MGAM: variants seen among roughly 807,000 people sequenced by gnomAD.
The protein encoded by MGAM is alpha-1,4-glucosidase.
A neutral mutation model predicts 358.8 loss-of-function variants in MGAM; 253 were observed. The observed-to-expected ratio is 0.71, with a 90% CI of 0.64 to 0.78. The LOEUF (loss-of-function observed/expected upper bound fraction) is 0.78. MGAM is among the 30% of genes least tolerant of loss of function. The pLI is 0.00. For synonymous variants in MGAM, 1,105 were observed against 1,227.1 expected (o/e 0.90, Z 2.08); for missense variants, 3,080 against 3,432.6 (o/e 0.90, Z 2.57).
At chr7:142,010,413 T>C (rs1554454030) in intron 3 of MGAM, among the ~76,000 whole-genome samples, 1 of 152,144 alleles carries the variant, frequency 6.6e-6, no homozygotes, top group Non-Finnish European at 1.5e-5. Context: ...ATTAAGCTTC[T>C]AGTTCTTGAG....
At chr7:141,989,407 A>G (rs1803846293) in intron 2 of MGAM, among the ~76,000 whole-genome samples, 1 of 152,192 alleles carries the variant, frequency 6.6e-6, no homozygotes, top group African/African-American at 2.4e-5. Flanking sequence ...AACATCATGA[A>G]GTACTCATGA....
chr7:141,986,599 G>A (rs1005976882), intron 2 of MGAM, among the ~76,000 whole-genome samples: 2 of 152,170 alleles, frequency 1.3e-5, no homozygotes, highest in African/African-American at 2.4e-5. Context: ...TTCCCTTGGG[G>A]TAGGGGACTG....
chr7:142,005,843 C>G (rs1563104303), intron 2 of MGAM, among the ~76,000 whole-genome samples, 186 bp downstream of exon 2: 1 of 151,892 alleles, frequency 6.6e-6, no homozygotes, highest in Non-Finnish European at 1.5e-5. Flanking sequence ...AGTTCTGATA[C>G]TTTGATTTAT....
Position 142,027,698 on chromosome 7 carries a change from A to G in MGAM, c.1184A>G (p.Glu395Gly). Residue 395 changes from glutamate to glycine, a missense_variant, in exon 10 of 71, where the codon GAA (glutamate) becomes GGA (glycine). This residue lies in a region of MGAM where 1,816 missense variants were observed against 1,840.5 expected (regional missense o/e 0.99). Transcript: ENST00000475668. ...TATGGAACCTTAGACAACATGAGGG[A>G]AGTCGTGGAGAGAAATCGCGCAGCA... ...YEYGTLDNMR[E>G]VVERNRAAQL... The G allele has an allele frequency of 6.2e-7, 1 of 1,613,362 alleles. No homozygotes were observed. Among genetic ancestry groups the G allele is most frequent in the Non-Finnish European group, 8.5e-7 (1 of 1,179,522 alleles).
At chr7:142,055,283 G>T (rs1193770766) in intron 27 of MGAM, among the ~76,000 whole-genome samples, 11 of 152,178 alleles carry the variant, frequency 7.2e-5, no homozygotes, top group Non-Finnish European at 1.6e-4. Flanking sequence ...GGTGTGGAGT[G>T]GTCCCAGCTG....
chr7:142,069,641 A>T lies in MGAM; in HGVS notation c.5061+938A>T, dbSNP rs1300143401. On this transcript the variant is annotated intron_variant, in intron 43 of 70. Transcript: ENST00000475668. ...ATTTTGTTCCTTCTCTTCTCAGTCC[A>T]TTGGAGCCCAAGTCCTCTCCACAGC... Among the ~76,000 whole-genome samples, 8 of 145,268 alleles carry T rather than the reference A, an allele frequency of 5.5e-5. 1 individual carries two copies. Among genetic ancestry groups the T allele is most frequent in the Admixed American group, 2.1e-4 (3 of 14,400 alleles).
intron 10 of MGAM, 140 bp downstream of exon 10, chr7:142,027,875 A>T: frequency 1.1e-6 from 1 of 901,534 alleles, no homozygotes; most frequent in Non-Finnish European, 1.4e-6. Context: ...TCAGAATACT[A>T]GACATTTTTT....
chr7:142,029,767 G>A (rs567901623), intron 10 of MGAM, among the ~76,000 whole-genome samples: 18 of 152,300 alleles, frequency 1.2e-4, no homozygotes, highest in Admixed American at 1.1e-3. Flanking sequence ...GAGATGCAAA[G>A]GGAAAAGCTC....
chr7:142,031,367 T>C (rs1288714358), intron 12 of MGAM, among the ~76,000 whole-genome samples: 1 of 152,196 alleles, frequency 6.6e-6, no homozygotes, highest in Non-Finnish European at 1.5e-5. Flanking sequence ...TACACAATGC[T>C]CTTCCCCCAT....
In MGAM at chr7:142,077,931, G is replaced by A. The variant is rs879072318; in HGVS notation, c.5494-387G>A. ...TGGTTTGGGGACTGGAGAGCAAGAG[G>A]ATCAGCTCACTTTGAGATGACACCA... On this transcript the variant is annotated intron_variant, in intron 47 of 70. Transcript: ENST00000475668. Among the ~76,000 whole-genome samples, 3 of 145,738 alleles carry A rather than the reference G, an allele frequency of 2.1e-5. No homozygotes were observed. The Admixed American group carries it at 2.1e-4, about 10-fold the overall frequency.
chr7:142,079,887 G>A (rs138347243), intron 49 of MGAM, among the ~76,000 whole-genome samples: 3,348 of 146,454 alleles, frequency 0.023, 230 homozygotes, highest in African/African-American at 0.077. Context: ...CCTCATCATA[G>A]CACTAGCATG....
chr7:142,043,961 TATACAC>T (rs1809513323), intron 21 of MGAM, among the ~76,000 whole-genome samples: 1 of 114,084 alleles, frequency 8.8e-6, no homozygotes, highest in Admixed American at 9.8e-5. Flanking sequence ...ATATACATTA[TATACAC>T]ATACGACGTA....
chr7:142,081,912 T>G, intron 50 of MGAM, 130 bp from the exon 51 acceptor site: 1 of 956,548 alleles, frequency 1.0e-6, no homozygotes, highest in South Asian at 1.4e-5. Flanking sequence ...CAAATTGAGT[T>G]TCAGTTTTGT....
chr7:142,094,950 T>G (rs906851883), intron 63 of MGAM, 87 bp downstream of exon 63: 3 of 1,373,934 alleles, frequency 2.2e-6, no homozygotes, highest in Non-Finnish European at 2.9e-6. Flanking sequence ...GTATTTCCTG[T>G]GATATCTTTA....
rs1432233478 is a variant in MGAM at position 142,042,456 on chromosome 7, CATATAAT to C, written c.2498+1630_2498+1636del. Reference sequence around the variant, plus strand: ...ATATAACATATAATATATAATATAACATATAATATATAATATATAATATATATTATAT... The same window carrying C: ...ATATAACATATAATATATAATATAACATATAATATATAATATATATTATAT... On this transcript the variant is annotated intron_variant, in intron 21 of 70. Coordinates refer to ENST00000475668, the MANE Select transcript of MGAM (RefSeq NM_001365693.1). 4.9e-4 allele frequency among the ~76,000 whole-genome samples: 8 copies of C among 16,466 alleles called. 2 individuals carry two copies. Among genetic ancestry groups the C allele is most frequent in the South Asian group, 2.7e-3 (1 of 376 alleles). The allele number at this position is 16,466 out of a possible 152,430, so 10.8% of individuals were successfully genotyped here.
chr7:142,045,210 C>A (rs1395625789), intron 21 of MGAM, among the ~76,000 whole-genome samples: 2 of 11,356 alleles, frequency 1.8e-4, no homozygotes, highest in African/African-American at 3.0e-4. Context: ...TATTATATAA[C>A]ATATATGTAT....
At chr7:142,037,291 A>T (rs1423824829) in intron 18 of MGAM, among the ~76,000 whole-genome samples, 1 of 151,954 alleles carries the variant, frequency 6.6e-6, no homozygotes, top group Non-Finnish European at 1.5e-5. Flanking sequence ...TTTTTTCCTT[A>T]GTTTCTTCAG....
intron 1 of MGAM, among the ~76,000 whole-genome samples, chr7:141,996,389 A>T (rs782534458): frequency 1.1e-4 from 16 of 152,020 alleles, no homozygotes; most frequent in Non-Finnish European, 2.2e-4. Flanking sequence ...ATGCATACAC[A>T]TGGAACAAAA....
chr7:142,022,107 C>A (rs570650391), intron 6 of MGAM, among the ~76,000 whole-genome samples, 161 bp from the exon 7 acceptor site: 1 of 152,058 alleles, frequency 6.6e-6, no homozygotes, highest in Non-Finnish European at 1.5e-5. Flanking sequence ...TCAAGGAGTC[C>A]TTATCTCTTG....
Sources: gnomAD v4.1 joint callset for allele counts (sites outside exome capture counted in the v4.1 genomes callset) on GRCh38, gnomAD v4.1.1 for gene constraint, gnomAD v4.1.1 regional missense constraint, MANE v1.5 for transcripts, NCBI Gene and HGNC (gene_info 2026-07-23, HGNC 2026-07-21) for gene names.